STK3: variants seen among roughly 807,000 people sequenced by gnomAD.
STK3 encodes the protein serine/threonine-protein kinase 3.
STK3 carries 41 observed loss-of-function variants against 58.0 expected under a neutral mutation model. That is an observed-to-expected ratio of 0.71 (90% CI 0.55 to 0.92). The LOEUF is 0.92. STK3 is among the 40% of genes least tolerant of loss of function. The pLI, the probability that STK3 is intolerant of heterozygous loss-of-function variation, is 0.00. For synonymous variants in STK3, 170 were observed against 191.0 expected (o/e 0.89, Z 0.91); for missense variants, 479 against 602.7 (o/e 0.79, Z 2.15).
chr8:98,899,698 G>A (rs1564091205), intron 1 of STK3, among the ~76,000 whole-genome samples: 1 of 152,102 alleles, frequency 6.6e-6, no homozygotes, highest in African/African-American at 2.4e-5. Context: ...TCTGTGCCAA[G>A]GGCATGATAT....
intron 1 of STK3, chr8:98,438,111 T>G (rs1320401646): frequency 6.6e-6 from 1 of 152,238 alleles, no homozygotes; most frequent in African/African-American, 2.4e-5. Context: ...AGTTTAAATA[T>G]ATTGCTATGT....
intron 3 of STK3, among the ~76,000 whole-genome samples, chr8:98,855,089 T>G (rs1442518396): frequency 6.6e-6 from 1 of 152,068 alleles, no homozygotes; most frequent in African/African-American, 2.4e-5. Flanking sequence ...CAACAAAATG[T>G]TAATACTCTC....
chr8:98,583,584 T>C (rs1401005895), intron 7 of STK3, among the ~76,000 whole-genome samples: 1 of 152,172 alleles, frequency 6.6e-6, no homozygotes, highest in Non-Finnish European at 1.5e-5. Context: ...ATGAAGTACC[T>C]TTTCAATAAG....
At chr8:98,700,913 T>C (rs966442428) in intron 6 of STK3, among the ~76,000 whole-genome samples, 1 of 152,064 alleles carries the variant, frequency 6.6e-6, no homozygotes, top group Admixed American at 6.6e-5. Context: ...TGAGGCAGGA[T>C]AATTGCTTGA....
intron 6 of STK3, among the ~76,000 whole-genome samples, chr8:98,643,549 T>A (rs1196696631): frequency 6.6e-6 from 1 of 152,158 alleles, no homozygotes; most frequent in African/African-American, 2.4e-5. Flanking sequence ...ACCTTCATAC[T>A]CCCTAATCAC....
rs1056696768 is a variant in STK3, at chr8:98,618,868, T to C, written c.685-22699A>G. On this transcript the variant is annotated intron_variant, in intron 6 of 10. Transcript: ENST00000419617. ...TGCTCATGGGTAGGAAGAATCAATA[T>C]CGTGAAAAAGGCCATACTGCCCAAG... is the stretch of plus-strand genomic sequence containing the variant. Among the ~76,000 whole-genome samples, 18 of 150,448 alleles carry C rather than the reference T, an allele frequency of 1.2e-4. 1 individual carries two copies. Among genetic ancestry groups the C allele is most frequent in the Non-Finnish European group, 2.2e-4 (15 of 67,782 alleles).
At chr8:98,764,272 A>G (rs1389976976) in intron 3 of STK3, among the ~76,000 whole-genome samples, 1 of 152,232 alleles carries the variant, frequency 6.6e-6, no homozygotes, top group African/African-American at 2.4e-5. Context: ...CTTAAAGTGC[A>G]TAACAAGAAT....
chr8:98,556,255 A>G (rs1364392034), intron 8 of STK3, among the ~76,000 whole-genome samples: 1 of 152,182 alleles, frequency 6.6e-6, no homozygotes, highest in Non-Finnish European at 1.5e-5. Flanking sequence ...CCAGTAAGGT[A>G]GCACCCCAGG....
At chr8:98,378,674 C>T (rs1054986567) in intron 2 of STK3, among the ~76,000 whole-genome samples, 5 of 152,178 alleles carry the variant, frequency 3.3e-5, no homozygotes, top group South Asian at 2.1e-4. Context: ...TCTTCCTCCC[C>T]GCTTCCTTAT....
intron 10 of STK3, among the ~76,000 whole-genome samples, chr8:98,488,491 G>A (rs1341532081): frequency 1.3e-5 from 2 of 152,106 alleles, no homozygotes; most frequent in Non-Finnish European, 2.9e-5. Flanking sequence ...ATGAAAGGAA[G>A]AAGAGAAAAT....
At chr8:98,866,200 T>C (rs1269583342) in intron 3 of STK3, among the ~76,000 whole-genome samples, 1 of 152,324 alleles carries the variant, frequency 6.6e-6, no homozygotes, top group African/African-American at 2.4e-5. Flanking sequence ...TTCCACCTAT[T>C]TGGAATCTGC....
At chr8:98,933,560 A>G (rs1444446503) in intron 1 of STK3, among the ~76,000 whole-genome samples, 1 of 152,224 alleles carries the variant, frequency 6.6e-6, no homozygotes. Context: ...TAAATGTGTA[A>G]TAGGAACTAT....
chr8:98,905,917 C>T (rs1838880358), intron 1 of STK3, among the ~76,000 whole-genome samples: 1 of 152,162 alleles, frequency 6.6e-6, no homozygotes, highest in South Asian at 2.1e-4. Context: ...AAGTGAGGTA[C>T]AGAAACAGCC....
intron 1 of STK3, among the ~76,000 whole-genome samples, chr8:98,385,678 A>G (rs1817783499): frequency 6.6e-6 from 1 of 152,154 alleles, no homozygotes; most frequent in South Asian, 2.1e-4. Flanking sequence ...TTCAGACACA[A>G]CTTCAGTGGG....
intron 3 of STK3, among the ~76,000 whole-genome samples, chr8:98,871,517 A>T (rs1405484742): frequency 3.9e-5 from 6 of 151,986 alleles, no homozygotes; most frequent in Admixed American, 6.6e-5. Context: ...CTTTTATTTC[A>T]TTGAGCAGTG....
chr8:98,585,590 G>A (rs984635002), intron 7 of STK3, among the ~76,000 whole-genome samples: 1 of 148,612 alleles, frequency 6.7e-6, no homozygotes. Context: ...CTCTTTTTTG[G>A]TTCCATATGA....
rs112883720 is a variant in STK3, at chr8:98,785,581, C to G, written c.27-10762G>C. 4.0e-3 allele frequency among the ~76,000 whole-genome samples: 608 copies of G among 152,286 alleles called. 6 individuals carry two copies. Among genetic ancestry groups the G allele is most frequent in the African/African-American group, 0.014 (576 of 41,568 alleles). ...CCCCCTCAGGGCTGAGCAGGAAACTCAGACTACTGTACACTCCACAAATCA... is the reference window on the plus strand; with the variant it reads ...CCCCCTCAGGGCTGAGCAGGAAACTGAGACTACTGTACACTCCACAAATCA... On this transcript the variant is annotated intron_variant, in intron 1 of 10. Transcript: ENST00000419617.
chr8:98,755,117 T>A (rs551227701), intron 3 of STK3, among the ~76,000 whole-genome samples: 1 of 152,216 alleles, frequency 6.6e-6, no homozygotes, highest in Non-Finnish European at 1.5e-5. Flanking sequence ...CGTAAGTAGA[T>A]GGATCCAAGT....
At chr8:98,352,977 T>TG in the STK3 span, among the ~76,000 whole-genome samples, 1 of 152,146 alleles carries the variant, frequency 6.6e-6, no homozygotes, top group Non-Finnish European at 1.5e-5. Flanking sequence ...TGAATAAGTG[T>TG]GGGAAAATGA....
Sources: gnomAD v4.1 joint callset for allele counts (sites outside exome capture counted in the v4.1 genomes callset) on GRCh38, gnomAD v4.1.1 for gene constraint, MANE v1.5 for transcripts, NCBI Gene and HGNC (gene_info 2026-07-23, HGNC 2026-07-21) for gene names.